The following TSR3 variants were observed in gnomAD, a reference collection of about 807,000 sequenced individuals.
TSR3 encodes TSR3 ribosome maturation factor, also known as 18S rRNA aminocarboxypropyltransferase.
TSR3 carries 31 observed loss-of-function variants against 28.1 expected under a neutral mutation model. The observed-to-expected ratio is 1.10, with a 90% CI of 0.83 to 1.49. The LOEUF is 1.49. Among genes scored for constraint, TSR3 ranks in the 40% most tolerant of loss-of-function variants. The pLI is 0.00. For missense variants in TSR3, 511 were observed against 444.0 expected (o/e 1.15, Z -1.36); for synonymous variants, 219 against 197.2 (o/e 1.11, Z -0.93).
intron 5 of TSR3, 106 bp downstream of exon 5, chr16:1,349,783 G>A (rs1468129951): frequency 1.0e-5 from 15 of 1,449,490 alleles, no homozygotes; most frequent in African/African-American, 1.4e-5. Context: ...GAAGACCATC[G>A]GGGTGTTGTT....
intron 3 of TSR3, among the ~76,000 whole-genome samples, chr16:1,350,543 T>A (rs78339401): frequency 3.3e-5 from 5 of 151,972 alleles, no homozygotes; most frequent in Non-Finnish European, 7.4e-5. Context: ...ATAAGGAGGA[T>A]TCTCTGGGCA....
chr16:1,351,616 G>C lies in TSR3; in HGVS notation c.113-18C>G, dbSNP rs2034682078. The C allele has an allele frequency of 1.4e-6, 2 of 1,462,930 alleles. No homozygotes were observed. The highest frequency in any genetic ancestry group is 9.0e-7 in the Non-Finnish European group (1 of 1,116,912). 90.6% of individuals were successfully genotyped at this position (1,462,930 alleles called of 1,614,324 possible). A position where few individuals can be genotyped will look rare whatever the true frequency, so the allele number is the denominator to read the frequency against. Reference sequence around the variant, plus strand: ...CACGGAAGCTGCACGAGAGAGAGAAGGGCACTCGGCCTCAGCGTGGGACCC... The same window carrying C: ...CACGGAAGCTGCACGAGAGAGAGAACGGCACTCGGCCTCAGCGTGGGACCC... On this transcript the variant is annotated intron_variant, in intron 1 of 5. Transcript: ENST00000007390.
rs567583327 is a variant in TSR3 at position 1,351,703 on chromosome 16, G to A, written c.102C>T (p.Ala34=). The A allele has an allele frequency of 8.3e-5, 114 of 1,372,304 alleles. No individual in the cohort carries two copies. The highest frequency in any genetic ancestry group is 5.2e-4 in the African/African-American group (34 of 65,490). The allele number at this position is 1,372,304 out of a possible 1,614,324, so 85.0% of individuals were successfully genotyped here. A position where few individuals can be genotyped will look rare whatever the true frequency, so the allele number is the denominator to read the frequency against. Reference sequence around the variant, plus strand: ...TCACGCCTCGCTCACCCTGCAGCGCGGCGCCGACCTCCTCGGCGAAGGCCT... The same window carrying A: ...TCACGCCTCGCTCACCCTGCAGCGCAGCGCCGACCTCCTCGGCGAAGGCCT... The part of the protein sequence containing the change: ...SLEAFAEEVG[A]ALQASVEPGA... Residue 34 remains alanine, a synonymous_variant, in exon 1 of 6, where the codon GCC becomes GCT. Transcript: ENST00000007390.
intron 5 of TSR3, 110 bp downstream of exon 5, chr16:1,349,779 C>T: frequency 6.9e-7 from 1 of 1,443,950 alleles, no homozygotes; most frequent in East Asian, 2.3e-5. Flanking sequence ...GTCAGAAGAC[C>T]ATCGGGGTGT....
In TSR3 at chr16:1,351,809, C is replaced by A. The variant is rs2034685614; in HGVS notation, c.-5G>T. The A allele has an allele frequency of 3.0e-6, 4 of 1,322,778 alleles. No individual in the cohort carries two copies. In the East Asian group the frequency reaches 1.3e-4, roughly 42 times the overall value. 81.9% of individuals were successfully genotyped at this position (1,322,778 alleles called of 1,614,324 possible). ...CGCTGCCCTCCTGCGGCCCATGGCG[C>A]GGACCTGGGGTGCCGGGGACTCCCC... On this transcript the variant is annotated 5_prime_UTR_variant, in exon 1 of 6. Transcript: ENST00000007390.
chr16:1,349,943 T>C lies in TSR3; in HGVS notation c.713A>G (p.Asp238Gly), dbSNP rs1330913975. Residue 238 changes from aspartate to glycine, a missense_variant, in exon 5 of 6, where the codon GAT becomes GGT. Asp to Gly is a moderately conservative substitution (Grantham distance 94). Coordinates refer to ENST00000007390, the MANE Select transcript of TSR3 (RefSeq NM_001001410.3). ...TCCAAACTCTCTCCCTGAATCCACATCGAAGGGATCTGAGCCGAGAGAGGA... is the reference window on the plus strand; with the variant it reads ...TCCAAACTCTCTCCCTGAATCCACACCGAAGGGATCTGAGCCGAGAGAGGA... ...SPQEEEIDPF[D>G]VDSGREFGNP... 6.2e-7 allele frequency: 1 copy of C among 1,613,440 alleles called. No homozygotes were observed. The highest frequency in any genetic ancestry group is 8.5e-7 in the Non-Finnish European group (1 of 1,179,980).
rs999393379 is a variant in TSR3, at chr16:1,349,533, G to A, written c.843C>T (p.Ser281=). 4 of 1,613,354 alleles carry A rather than the reference G, an allele frequency of 2.5e-6. No homozygotes were observed. The highest frequency in any genetic ancestry group is 1.7e-6 in the Non-Finnish European group (2 of 1,179,998). ...GCGTCTGCTCCTCTTCACAGCAGCT[G>A]CTGCTGGCTCCTCCGCGCTCGGCGC... ...GPGAERGGAS[S]SCCEEEQTQG... The change falls in exon 6 of 6, where the codon AGC becomes AGT. Residue 281 remains serine, a synonymous_variant. Transcript: ENST00000007390.
At chr16:1,350,758 AG>A (rs1366673573) in intron 3 of TSR3, 48 bp downstream of exon 3, 17 of 1,575,390 alleles carry the variant, frequency 1.1e-5, no homozygotes, top group Admixed American at 1.7e-5. Context: ...GGAGCATAGC[AG>A]GAACAGCAGG....
rs760237348 is a variant in TSR3 at position 1,349,481 on chromosome 16, G to A, written c.895C>T (p.Pro299Ser). ...TQGRGAEARA[P>S]AEVWKGIKKR... is the part of the protein sequence containing the mutation. ...TTGATTCCTTTCCAAACCTCAGCCGGGGCCCTGGCCTCAGCCCCCCGTCCC... is the reference window on the plus strand; with the variant it reads ...TTGATTCCTTTCCAAACCTCAGCCGAGGCCCTGGCCTCAGCCCCCCGTCCC... The change falls in exon 6 of 6, where the codon CCG becomes TCG. Residue 299 changes from proline (P) to serine (S), a missense_variant. By Grantham distance (74) the Pro-to-Ser change is moderately conservative. Transcript: ENST00000007390. 4 of 1,613,576 alleles carry A rather than the reference G, an allele frequency of 2.5e-6. No homozygotes were observed. The highest frequency in any genetic ancestry group is 1.3e-5 in the African/African-American group (1 of 74,912).
In TSR3 at chr16:1,351,500, G is replaced by C. The variant is rs752173891; in HGVS notation, c.211C>G (p.Arg71Gly). The change falls in exon 2 of 6, where the codon CGG (arginine) becomes GGG (glycine). Residue 71 changes from arginine (R) to glycine (G), a missense_variant. Arg to Gly is a moderately radical substitution (Grantham distance 125). Transcript: ENST00000007390. ...GCCAGCTTGCGGCCCGTGCAGCGCC[G>C]GGGGTCGCAGTGGCCCAACTCCCAC... is the stretch of plus-strand genomic sequence containing the variant. ...AMWELGHCDP[R>G]RCTGRKLARL... The C allele has an allele frequency of 5.2e-6, 8 of 1,549,748 alleles. No individual in the cohort carries two copies. Among genetic ancestry groups the C allele is most frequent in the Middle Eastern group, 1.7e-4 (1 of 5,792 alleles).
In TSR3 at chr16:1,351,818, G is replaced by A. The variant is rs1161790131; in HGVS notation, c.-14C>T. 2 of 1,308,692 alleles carry A rather than the reference G, an allele frequency of 1.5e-6. No homozygotes were observed. The highest frequency in any genetic ancestry group is 6.4e-5 in the East Asian group (2 of 31,210). 81.1% of individuals were successfully genotyped at this position (1,308,692 alleles called of 1,614,324 possible). On this transcript the variant is annotated 5_prime_UTR_variant, in exon 1 of 6. Transcript: ENST00000007390. Reference sequence around the variant, plus strand: ...CCTGCGGCCCATGGCGCGGACCTGGGGTGCCGGGGACTCCCCACCCCACGG... The same window carrying A: ...CCTGCGGCCCATGGCGCGGACCTGGAGTGCCGGGGACTCCCCACCCCACGG...
intron 3 of TSR3, 81 bp from the exon 4 acceptor site, chr16:1,350,315 G>C (rs980834982): frequency 7.0e-7 from 1 of 1,430,742 alleles, no homozygotes; most frequent in Non-Finnish European, 9.3e-7. Context: ...GCCGGATGGC[G>C]GCGCTCTCCC....
At chr16:1,349,764 T>G in intron 5 of TSR3, 125 bp downstream of exon 5, 2 of 1,406,542 alleles carry the variant, frequency 1.4e-6, no homozygotes, top group Non-Finnish European at 2.0e-6. Flanking sequence ...ACTGCAGGTT[T>G]TCTAGTCAGA....
At chr16:1,350,273 G>T (rs373399857) in intron 3 of TSR3, 39 bp from the exon 4 acceptor site, 1 of 1,555,488 alleles carries the variant, frequency 6.4e-7, no homozygotes, top group Non-Finnish European at 8.7e-7. Context: ...AGAAGTCGAC[G>T]GTCCCCTCAA....
At chr16:1,350,701 G>A (rs1005211601) in intron 3 of TSR3, 106 bp downstream of exon 3, 57 of 1,321,992 alleles carry the variant, frequency 4.3e-5, no homozygotes, top group Admixed American at 3.4e-4. Context: ...TCCCCTGTCC[G>A]TCCCTTATGC....
Position 1,349,762 on chromosome 16 carries a change from T to C in TSR3, c.767+127A>G, listed in dbSNP as rs529340544. On this transcript the variant is annotated intron_variant, in intron 5 of 5. Transcript: ENST00000007390. ...TCTCCAGTGGGACATGCACTGCAGG[T>C]TTTCTAGTCAGAAGACCATCGGGGT... 5.7e-6 allele frequency: 8 copies of C among 1,400,724 alleles called. No individual in the cohort carries two copies. The African/African-American group carries it at 1.0e-4, about 18-fold the overall frequency. The allele number at this position is 1,400,724 out of a possible 1,614,324, so 86.8% of individuals were successfully genotyped here. A position where few individuals can be genotyped will look rare whatever the true frequency, so the allele number is the denominator to read the frequency against.
chr16:1,349,711 C>T, intron 5 of TSR3, 103 bp from the exon 6 acceptor site: 1 of 1,424,118 alleles, frequency 7.0e-7, no homozygotes, highest in Non-Finnish European at 9.5e-7. Context: ...ATTCCTCTTC[C>T]TCCCTGTGCT....
In TSR3 at chr16:1,350,884, G is replaced by A. The variant is rs746919071; in HGVS notation, c.449C>T (p.Ala150Val). 9.3e-6 allele frequency: 15 copies of A among 1,613,040 alleles called. No individual in the cohort carries two copies. The highest frequency in any genetic ancestry group is 2.2e-5 in the South Asian group (2 of 91,084). Residue 150 changes from alanine (A) to valine (V), a missense_variant, in exon 3 of 6, where the codon GCC becomes GTC. Ala to Val is a moderately conservative substitution (Grantham distance 64). Coordinates refer to ENST00000007390, the MANE Select transcript of TSR3 (RefSeq NM_001001410.3). ...SHLRLLPYLV[A>V]ANPVNYGRPY... ...CCGGCCATAGTTCACGGGGTTGGCG[G>A]CCACCAGGTAGGGCAACAGGCGCAA...
intron 4 of TSR3, 51 bp downstream of exon 4, chr16:1,350,007 C>T: frequency 6.2e-7 from 1 of 1,611,284 alleles, no homozygotes; most frequent in Non-Finnish European, 8.5e-7. Context: ...GACCAGGCCT[C>T]CCACCCCCCA....
Sources: gnomAD v4.1 joint callset for allele counts (sites outside exome capture counted in the v4.1 genomes callset) on GRCh38, gnomAD v4.1.1 for gene constraint, MANE v1.5 for transcripts, NCBI Gene and HGNC (gene_info 2026-07-23, HGNC 2026-07-21) for gene names.